Variants in TMEM163 observed in about 807,000 individuals in gnomAD.
The protein encoded by TMEM163 is transmembrane protein 163.
TMEM163 carries 17 observed loss-of-function variants against 29.3 expected under a neutral mutation model. The observed-to-expected ratio is 0.58, with a 90% CI of 0.40 to 0.87. TMEM163 has a LOEUF of 0.87. Among genes scored for constraint, TMEM163 ranks in the 40% least tolerant of loss-of-function variants. TMEM163 has a pLI of 0.00. For synonymous variants in TMEM163, 157 were observed against 160.6 expected, an observed-to-expected ratio of 0.98 and a Z score of 0.17; for missense variants, 303 against 381.5, an observed-to-expected ratio of 0.79 and a Z score of 1.71.
At chr2:134,465,189 T>TTAAAAAAAAAAAA (rs1553471745) in intron 6 of TMEM163, among the ~76,000 whole-genome samples, 1 of 117,734 alleles carries the variant, frequency 8.5e-6, no homozygotes, top group African/African-American at 3.7e-5. Flanking sequence ...TCCGCATCTT[T>TTAAAAAAAAAAAA]AAAAAAAAAA....
At chr2:134,645,529 G>T (rs1446608293) in intron 2 of TMEM163, among the ~76,000 whole-genome samples, 1 of 152,164 alleles carries the variant, frequency 6.6e-6, no homozygotes, top group Non-Finnish European at 1.5e-5. Flanking sequence ...AGTATTTATG[G>T]CATCTCTAGT....
intron 2 of TMEM163, among the ~76,000 whole-genome samples, chr2:134,675,898 C>T (rs1684104007): frequency 6.6e-6 from 1 of 152,170 alleles, no homozygotes; most frequent in African/African-American, 2.4e-5. Flanking sequence ...GGTCAGCACC[C>T]CAACCCTAAA....
At chr2:134,517,304 A>G (rs564060421) in intron 4 of TMEM163, among the ~76,000 whole-genome samples, 4 of 152,276 alleles carry the variant, frequency 2.6e-5, no homozygotes, top group South Asian at 2.1e-4. Flanking sequence ...ACACTGCCCA[A>G]TGGAGTATAC....
At chr2:134,597,065 A>G (rs1046944466) in intron 2 of TMEM163, among the ~76,000 whole-genome samples, 2 of 152,170 alleles carry the variant, frequency 1.3e-5, no homozygotes, top group Non-Finnish European at 2.9e-5. Flanking sequence ...GCAAACAGGG[A>G]CAATTTGACT....
chr2:134,680,529 TTTC>T (rs1684207562), intron 2 of TMEM163, among the ~76,000 whole-genome samples: 1 of 152,208 alleles, frequency 6.6e-6, no homozygotes, highest in African/African-American at 2.4e-5. Context: ...AATCTTTCAC[TTTC>T]TTATTAACTA....
chr2:134,466,457 A>G, intron 5 of TMEM163: 1 of 486,090 alleles, frequency 2.1e-6, no homozygotes, highest in Non-Finnish European at 3.7e-6. Context: ...ACCATTACGT[A>G]TTTATTTTCC....
intron 2 of TMEM163, among the ~76,000 whole-genome samples, chr2:134,672,969 C>A (rs1349870909): frequency 6.6e-6 from 1 of 152,078 alleles, no homozygotes; most frequent in African/African-American, 2.4e-5. Flanking sequence ...CTGCAAGTTC[C>A]ACTCATGGCT....
intron 4 of TMEM163, among the ~76,000 whole-genome samples, chr2:134,516,232 AGAT>A (rs1680053574): frequency 6.6e-6 from 1 of 152,166 alleles, no homozygotes; most frequent in South Asian, 2.1e-4. Context: ...AGGTCATCCA[AGAT>A]GATATTAAGC....
intron 2 of TMEM163, among the ~76,000 whole-genome samples, chr2:134,568,262 C>T (rs941593627): frequency 6.6e-6 from 1 of 152,166 alleles, no homozygotes; most frequent in Admixed American, 6.5e-5. Flanking sequence ...TGGTGGCTCA[C>T]ACCTATGATC....
intron 2 of TMEM163, among the ~76,000 whole-genome samples, chr2:134,610,606 G>C (rs1196272423): frequency 2.0e-5 from 3 of 152,282 alleles, no homozygotes; most frequent in Middle Eastern, 3.4e-3. Flanking sequence ...TGGGATCCAG[G>C]TTTAGAACCG....
intron 2 of TMEM163, among the ~76,000 whole-genome samples, chr2:134,569,776 G>C (rs1477241235): frequency 6.6e-6 from 1 of 152,166 alleles, no homozygotes; most frequent in African/African-American, 2.4e-5. Flanking sequence ...ACTGTCTGCA[G>C]TTTGTTACTC....
intron 2 of TMEM163, among the ~76,000 whole-genome samples, chr2:134,608,719 C>A (rs1682419708): frequency 1.1e-5 from 1 of 89,836 alleles, no homozygotes; most frequent in Admixed American, 1.0e-4. Flanking sequence ...AGGACAGACC[C>A]CGAGAACTGT....
At chr2:134,522,733 G>T (rs1264179658) in intron 4 of TMEM163, among the ~76,000 whole-genome samples, 2 of 152,202 alleles carry the variant, frequency 1.3e-5, no homozygotes, top group Non-Finnish European at 2.9e-5. Context: ...TTCCTGCCAT[G>T]ATTACTCCAC....
chr2:134,554,179 C>G (rs981815172), intron 2 of TMEM163, among the ~76,000 whole-genome samples: 2 of 152,058 alleles, frequency 1.3e-5, no homozygotes, highest in Non-Finnish European at 2.9e-5. Context: ...AATCTCAGCA[C>G]TTTGGGAGGC....
intron 2 of TMEM163, among the ~76,000 whole-genome samples, chr2:134,648,193 G>A (rs1683379064): frequency 6.6e-6 from 1 of 152,162 alleles, no homozygotes; most frequent in African/African-American, 2.4e-5. Context: ...CCCAGAGTCT[G>A]GCCATCCCCA....
intron 4 of TMEM163, among the ~76,000 whole-genome samples, chr2:134,536,658 A>G (rs2106501431): frequency 6.6e-6 from 1 of 152,268 alleles, no homozygotes; most frequent in Non-Finnish European, 1.5e-5. Flanking sequence ...GGATTGTTCT[A>G]AGGATTAAAT....
intron 2 of TMEM163, among the ~76,000 whole-genome samples, chr2:134,620,745 G>A (rs1358545833): frequency 6.6e-6 from 1 of 152,122 alleles, no homozygotes; most frequent in Non-Finnish European, 1.5e-5. Flanking sequence ...TTCAATATAT[G>A]GTGCTGGGAC....
chr2:134,668,277 G>A (rs535572946), intron 2 of TMEM163, among the ~76,000 whole-genome samples: 185 of 152,248 alleles, frequency 1.2e-3, no homozygotes, highest in Non-Finnish European at 2.2e-3. Flanking sequence ...TCTCATCAGC[G>A]CTCATCAGTG....
intron 2 of TMEM163, among the ~76,000 whole-genome samples, chr2:134,664,913 G>A (rs1223271093): frequency 6.6e-6 from 1 of 151,920 alleles, no homozygotes; most frequent in African/African-American, 2.4e-5. Context: ...ACAGGGTCTT[G>A]CTATGTCACC....
Sources: allele counts gnomAD v4.1 joint callset (sites outside exome capture counted in the v4.1 genomes callset), GRCh38; gene constraint gnomAD v4.1.1; transcripts MANE v1.5; gene names NCBI Gene and HGNC (gene_info 2026-07-23, HGNC 2026-07-21).